VEPH1: variants seen among roughly 807,000 people sequenced by gnomAD.
VEPH1 encodes the protein ventricular zone expressed PH domain containing 1.
Under a neutral mutation model 85.2 loss-of-function variants are expected in VEPH1, and 80 were observed. The ratio of observed to expected loss-of-function variants is 0.94; its 90% CI spans 0.78 to 1.13. The LOEUF (loss-of-function observed/expected upper bound fraction) is 1.13. Ranked by LOEUF, VEPH1 falls within the 50% of genes most tolerant of loss-of-function variation. The pLI, the probability that VEPH1 is intolerant of heterozygous loss-of-function variation, is 0.00. For missense variants in VEPH1, 955 were observed against 980.5 expected (o/e 0.97, Z 0.35); for synonymous variants, 297 against 348.0 (o/e 0.85, Z 1.63).
intron 6 of VEPH1, among the ~76,000 whole-genome samples, chr3:157,407,245 T>C (rs1731213539): frequency 6.6e-6 from 1 of 152,176 alleles, no homozygotes; most frequent in South Asian, 2.1e-4. Context: ...AACCACTTCA[T>C]ATTTAGTTTA....
rs564511697 is a variant in VEPH1, at chr3:157,344,232, G to C, written c.1735+19132C>G. ...GTATTCAATTAGGAAAAGAGGAAGT[G>C]AAATTGTCCCTGTTTGCAGATGACA... is the stretch of plus-strand genomic sequence containing the variant. On this transcript the variant is annotated intron_variant, in intron 9 of 13. Transcript: ENST00000362010. 6.1e-3 allele frequency among the ~76,000 whole-genome samples: 935 copies of C among 152,142 alleles called. 13 individuals are homozygous for C. Among genetic ancestry groups the C allele is most frequent in the African/African-American group, 0.021 (891 of 41,518 alleles).
intron 5 of VEPH1, among the ~76,000 whole-genome samples, chr3:157,417,450 C>T (rs1331631925): frequency 6.6e-6 from 1 of 152,188 alleles, no homozygotes; most frequent in Non-Finnish European, 1.5e-5. Context: ...CCCTTCTGTT[C>T]AGGCTCCTCA....
intron 9 of VEPH1, among the ~76,000 whole-genome samples, chr3:157,329,209 C>T (rs1577353474): frequency 6.6e-6 from 1 of 152,092 alleles, no homozygotes; most frequent in Non-Finnish European, 1.5e-5. Context: ...TTATCTTTAT[C>T]GTATAACTGA....
chr3:157,438,863 A>G (rs1315481363), intron 4 of VEPH1, among the ~76,000 whole-genome samples: 1 of 152,248 alleles, frequency 6.6e-6, no homozygotes, highest in Non-Finnish European at 1.5e-5. Flanking sequence ...GGATTGTATT[A>G]GAAAATCAGT....
chr3:157,382,712 T>TAAA (rs922638419), intron 6 of VEPH1, among the ~76,000 whole-genome samples: 10 of 152,242 alleles, frequency 6.6e-5, no homozygotes, highest in African/African-American at 2.4e-4. Flanking sequence ...ATTTACCCTT[T>TAAA]GTGCTAGCAT....
rs199772915 is a variant in VEPH1, at chr3:157,437,913, A to T, written c.530-9425T>A. On this transcript the variant is annotated intron_variant, in intron 4 of 13. Transcript: ENST00000362010. ...GGGCTGCCCGGAGCTGGCTGCCGGCAGGTAAGGAGGCAAGCGGGGCCGGGA... is the reference window on the plus strand; with the variant it reads ...GGGCTGCCCGGAGCTGGCTGCCGGCTGGTAAGGAGGCAAGCGGGGCCGGGA... 808 of 1,526,296 alleles carry T rather than the reference A, an allele frequency of 5.3e-4. 4 individuals carry two copies. The African/African-American group carries it at 0.01, about 19-fold the overall frequency. 94.5% of individuals were successfully genotyped at this position (1,526,296 alleles called of 1,614,324 possible). A position where few individuals can be genotyped will look rare whatever the true frequency, so the allele number is the denominator to read the frequency against.
In VEPH1 at chr3:157,309,089, G is replaced by GTTA. The variant is rs752931056; in HGVS notation, c.2010+4529_2010+4531dup. 1.9e-3 allele frequency among the ~76,000 whole-genome samples: 288 copies of GTTA among 151,120 alleles called. 2 individuals are homozygous for GTTA. The highest frequency in any genetic ancestry group is 0.017 in the Middle Eastern group (5 of 294). On this transcript the variant is annotated intron_variant, in intron 11 of 13. Transcript: ENST00000362010. The stretch of plus-strand genomic sequence containing the variant: ...GTCTTGTGTTCTATTTGTTGTTGTT[G>GTTA]TTATTATTATTATTATTATTAATGC...
Position 157,489,364 on chromosome 3 carries a change from T to C in VEPH1, c.138+5848A>G, listed in dbSNP as rs1169994767. 8.6e-6 allele frequency: 3 copies of C among 347,534 alleles called. No individual in the cohort carries two copies. The Admixed American group carries it at 1.1e-4, about 13-fold the overall frequency. The allele number at this position is 347,534 out of a possible 1,614,324, so 21.5% of individuals were successfully genotyped here. On this transcript the variant is annotated intron_variant, in intron 2 of 13. Coordinates refer to ENST00000362010, the MANE Select transcript of VEPH1 (RefSeq NM_001167912.2). ...GGACTTTTGTACTTAATGGTCCTTC[T>C]GCCTGAAATGATTTTCTCCAGTACA...
chr3:157,282,937 A>C (rs1261490103), intron 12 of VEPH1, among the ~76,000 whole-genome samples: 1 of 152,240 alleles, frequency 6.6e-6, no homozygotes, highest in East Asian at 1.9e-4. Context: ...GAAATTTTCT[A>C]ATCTTCTACT....
chr3:157,472,510 C>T (rs1285134065), intron 2 of VEPH1, among the ~76,000 whole-genome samples: 1 of 152,118 alleles, frequency 6.6e-6, no homozygotes, highest in Non-Finnish European at 1.5e-5. Context: ...ATGTAAGCTT[C>T]AGAATTTTTT....
At chr3:157,275,545 C>G (rs993881429) in intron 12 of VEPH1, among the ~76,000 whole-genome samples, 1 of 151,700 alleles carries the variant, frequency 6.6e-6, no homozygotes, top group Non-Finnish European at 1.5e-5. Flanking sequence ...CATTGCATAC[C>G]AGTCTGGTGG....
intron 4 of VEPH1, among the ~76,000 whole-genome samples, chr3:157,433,920 CT>C (rs947373903): frequency 1.1e-4 from 16 of 151,754 alleles, no homozygotes; most frequent in East Asian, 3.9e-4. Flanking sequence ...CTTTGGCAGG[CT>C]TTTTTTTCGC....
In VEPH1 at chr3:157,464,709, T is replaced by C. The variant is rs73030028; in HGVS notation, c.355-4354A>G. ...AAATTGTGTTTTTGAAAATGCACTTTGGGAATGTTCCCCAGTGTTTTAAAA... is the reference window on the plus strand; with the variant it reads ...AAATTGTGTTTTTGAAAATGCACTTCGGGAATGTTCCCCAGTGTTTTAAAA... On this transcript the variant is annotated intron_variant, in intron 3 of 13. Coordinates refer to ENST00000362010, the MANE Select transcript of VEPH1 (RefSeq NM_001167912.2). 3.4e-3 allele frequency among the ~76,000 whole-genome samples: 523 copies of C among 152,326 alleles called. 2 individuals are homozygous for C. Among genetic ancestry groups the C allele is most frequent in the African/African-American group, 0.012 (493 of 41,576 alleles).
At chr3:157,477,751 G>T (rs1334494123) in intron 2 of VEPH1, among the ~76,000 whole-genome samples, 1 of 152,132 alleles carries the variant, frequency 6.6e-6, no homozygotes, top group Non-Finnish European at 1.5e-5. Flanking sequence ...TATGGTGAGG[G>T]ATAGAAGTTA....
At chr3:157,348,969 T>C (rs1308990081) in intron 9 of VEPH1, among the ~76,000 whole-genome samples, 1 of 152,168 alleles carries the variant, frequency 6.6e-6, no homozygotes, top group Admixed American at 6.5e-5. Context: ...TTCAAAAAAA[T>C]TAAAGCAGAG....
At chr3:157,381,086 C>G (rs1243469519) in intron 7 of VEPH1, 70 bp downstream of exon 7, 20 of 1,510,496 alleles carry the variant, frequency 1.3e-5, no homozygotes, top group Non-Finnish European at 1.7e-5. Flanking sequence ...GTTAGAGAGG[C>G]TTAACTGTCT....
chr3:157,409,715 C>G, intron 6 of VEPH1: 1 of 985,408 alleles, frequency 1.0e-6, no homozygotes, highest in Non-Finnish European at 1.2e-6. Flanking sequence ...AAGACAGGCA[C>G]ACCCTGTCAT....
At chr3:157,285,246 T>C (rs1716623525) in intron 12 of VEPH1, 1 of 152,234 alleles carries the variant, frequency 6.6e-6, no homozygotes, top group Non-Finnish European at 1.5e-5. Flanking sequence ...GGGTGTTCAC[T>C]CTGGCGTTGG....
At chr3:157,305,828 G>T (rs892988214) in intron 11 of VEPH1, among the ~76,000 whole-genome samples, 4 of 152,078 alleles carry the variant, frequency 2.6e-5, no homozygotes, top group African/African-American at 4.8e-5. Context: ...TACTAATAAG[G>T]CTGAATATCT....
Sources: gnomAD v4.1 joint callset for allele counts (sites outside exome capture counted in the v4.1 genomes callset) on GRCh38, gnomAD v4.1.1 for gene constraint, MANE v1.5 for transcripts, NCBI Gene and HGNC (gene_info 2026-07-23, HGNC 2026-07-21) for gene names.